NCKAP5: variants seen among roughly 807,000 people sequenced by gnomAD.
NCKAP5 encodes the protein nck-associated protein 5.
NCKAP5 carries 92 observed loss-of-function variants against 167.0 expected under a neutral mutation model. That is an observed-to-expected ratio of 0.55 (90% CI 0.47 to 0.66). The LOEUF (loss-of-function observed/expected upper bound fraction) is 0.66, where lower values mean the gene tolerates loss of function less well. Among genes scored for constraint, NCKAP5 ranks in the 30% least tolerant of loss-of-function variants. The pLI, the probability that NCKAP5 is intolerant of heterozygous loss-of-function variation, is 0.00. For missense variants in NCKAP5, 2,378 were observed against 2,315.0 expected (o/e 1.03, Z -0.56); for synonymous variants, 891 against 877.4 (o/e 1.02, Z -0.27).
At chr2:133,637,402 C>T in the NCKAP5 span, among the ~76,000 whole-genome samples, 1 of 129,958 alleles carries the variant, frequency 7.7e-6, no homozygotes, top group Non-Finnish European at 1.6e-5. Flanking sequence ...GGAAACAGGC[C>T]ACCAAGAAAA....
intron 3 of NCKAP5, among the ~76,000 whole-genome samples, chr2:133,488,899 G>A (rs557213242): frequency 6.6e-6 from 1 of 152,284 alleles, no homozygotes; most frequent in Non-Finnish European, 1.5e-5. Flanking sequence ...GGGTGACAAA[G>A]CAAGACTCCA....
At chr2:132,947,351 T>C (rs1163302701) in intron 8 of NCKAP5, among the ~76,000 whole-genome samples, 3 of 152,218 alleles carry the variant, frequency 2.0e-5, no homozygotes, top group Non-Finnish European at 4.4e-5. Context: ...TGCTAATTTA[T>C]GTACTGATAG....
At chr2:132,975,224 C>T (rs537192608) in intron 7 of NCKAP5, among the ~76,000 whole-genome samples, 1 of 152,308 alleles carries the variant, frequency 6.6e-6, no homozygotes, top group South Asian at 2.1e-4. Flanking sequence ...TCTTCTTTTT[C>T]ATCTCTGGAT....
chr2:133,000,150 A>G (rs1372993454), intron 6 of NCKAP5, among the ~76,000 whole-genome samples: 1 of 152,126 alleles, frequency 6.6e-6, no homozygotes, highest in Non-Finnish European at 1.5e-5. Flanking sequence ...CATGCCATGA[A>G]GTTTGTCAAG....
chr2:133,376,959 A>C (rs1327189342), intron 3 of NCKAP5, among the ~76,000 whole-genome samples: 1 of 152,232 alleles, frequency 6.6e-6, no homozygotes, highest in Non-Finnish European at 1.5e-5. Context: ...CCCAAAAGAA[A>C]TTGTAAGTAG....
At chr2:133,562,422 C>T (rs1688225159) in intron 1 of NCKAP5, among the ~76,000 whole-genome samples, 1 of 152,186 alleles carries the variant, frequency 6.6e-6, no homozygotes, top group South Asian at 2.1e-4. Context: ...ACAATGGAAA[C>T]CATTTGAGAA....
At chr2:132,727,621 AC>A (rs1690589507) in intron 18 of NCKAP5, among the ~76,000 whole-genome samples, 1 of 152,160 alleles carries the variant, frequency 6.6e-6, no homozygotes. Flanking sequence ...TCTGTGTTTG[AC>A]TTAAGGCATG....
rs543717952 is a variant in NCKAP5, at chr2:133,070,632, A to T, written c.341+59346T>A. On this transcript the variant is annotated intron_variant, in intron 6 of 19. Transcript: ENST00000409261. ...GCTGACTTCTTAAAGGAATGAAGAG[A>T]TCTTTTTCAAGTCACTGCTACTTGA... is the stretch of plus-strand genomic sequence containing the variant. 2.0e-5 allele frequency among the ~76,000 whole-genome samples: 3 copies of T among 152,258 alleles called. No individual in the cohort carries two copies. In the South Asian group the frequency reaches 6.2e-4, roughly 32 times the overall value.
intron 3 of NCKAP5, among the ~76,000 whole-genome samples, chr2:133,488,179 T>C (rs531014054): frequency 1.3e-5 from 2 of 152,368 alleles, no homozygotes; most frequent in African/African-American, 4.8e-5. Context: ...TCTATTATTA[T>C]TGTTAATGTT....
intron 6 of NCKAP5, among the ~76,000 whole-genome samples, chr2:133,005,855 A>G (rs2077947995): frequency 6.6e-6 from 1 of 152,162 alleles, no homozygotes; most frequent in African/African-American, 2.4e-5. Context: ...CTTCTAGAAA[A>G]CTAATGTAAT....
chr2:133,320,830 A>G (rs1208292363), intron 3 of NCKAP5, among the ~76,000 whole-genome samples: 1 of 152,190 alleles, frequency 6.6e-6, no homozygotes. Context: ...CCATAGCATG[A>G]AACTTTCTGT....
chr2:133,159,208 TC>T, intron 5 of NCKAP5, among the ~76,000 whole-genome samples: 1 of 152,190 alleles, frequency 6.6e-6, no homozygotes, highest in Non-Finnish European at 1.5e-5. Flanking sequence ...TAGGCCCACA[TC>T]AAGGACTGAA....
At chr2:133,180,074 G>A (rs1214399938) in intron 5 of NCKAP5, among the ~76,000 whole-genome samples, 5 of 152,158 alleles carry the variant, frequency 3.3e-5, no homozygotes, top group African/African-American at 2.4e-5. Flanking sequence ...AGGAAGTCTT[G>A]AAAGCAGTGA....
the NCKAP5 span, among the ~76,000 whole-genome samples, chr2:133,611,854 GAT>G: frequency 6.6e-6 from 1 of 152,170 alleles, no homozygotes; most frequent in African/African-American, 2.4e-5. Context: ...TGGGTTTTGA[GAT>G]GATTCTTTCA....
chr2:132,931,854 G>GAAAAAT (rs1285172542), intron 8 of NCKAP5, among the ~76,000 whole-genome samples: 1 of 152,026 alleles, frequency 6.6e-6, no homozygotes, highest in African/African-American at 2.4e-5. Flanking sequence ...TTCCATAGAA[G>GAAAAAT]AAAAATATAA....
intron 5 of NCKAP5, among the ~76,000 whole-genome samples, chr2:133,184,615 C>T (rs2084867537): frequency 6.6e-6 from 1 of 152,106 alleles, no homozygotes; most frequent in South Asian, 2.1e-4. Flanking sequence ...TCTCAACAAC[C>T]CCTCCAACAT....
intron 8 of NCKAP5, among the ~76,000 whole-genome samples, chr2:132,941,874 A>G (rs1246562985): frequency 6.6e-6 from 1 of 152,228 alleles, no homozygotes; most frequent in Non-Finnish European, 1.5e-5. Context: ...TCATGTAGTC[A>G]CAATTGCCTG....
At chr2:133,175,958 A>G (rs1330989631) in intron 5 of NCKAP5, among the ~76,000 whole-genome samples, 2 of 152,202 alleles carry the variant, frequency 1.3e-5, no homozygotes, top group African/African-American at 4.8e-5. Context: ...AATCTTAACT[A>G]GGAGTTTAAT....
chr2:132,866,953 C>T (rs965448643), intron 10 of NCKAP5, among the ~76,000 whole-genome samples: 9 of 152,184 alleles, frequency 5.9e-5, no homozygotes, highest in Non-Finnish European at 5.9e-5. Context: ...CACATTTCTG[C>T]AGAACATGAT....
Sources: allele counts gnomAD v4.1 joint callset (sites outside exome capture counted in the v4.1 genomes callset), GRCh38; gene constraint gnomAD v4.1.1; transcripts MANE v1.5; gene names NCBI Gene and HGNC (gene_info 2026-07-23, HGNC 2026-07-21).